EBF1: variants seen among roughly 807,000 people sequenced by gnomAD.
EBF1 encodes the protein transcription factor COE1.
A neutral mutation model predicts 68.4 loss-of-function variants in EBF1; 10 were observed. The ratio of observed to expected loss-of-function variants is 0.15; its 90% CI spans 0.09 to 0.25. EBF1 has a LOEUF of 0.25. Among genes scored for constraint, EBF1 ranks in the 10% least tolerant of loss-of-function variants. The pLI is 1.00. For missense variants in EBF1, 509 were observed against 794.4 expected (o/e 0.64, Z 4.32); for synonymous variants, 298 against 299.8 (o/e 0.99, Z 0.06).
intron 6 of EBF1, among the ~76,000 whole-genome samples, chr5:159,014,851 G>A (rs4921528): frequency 0.15 from 22,237 of 152,094 alleles, 1,768 homozygotes; most frequent in African/African-American, 0.19. Context: ...TGCTGTAATG[G>A]CTACAGCTCC....
At chr5:158,702,743 C>CA (rs58496050) in intron 15 of EBF1, among the ~76,000 whole-genome samples, 778 of 41,636 alleles carry the variant, frequency 0.019, 104 homozygotes, top group Non-Finnish European at 0.022. Flanking sequence ...GACTCCTTCT[C>CA]AAAAAAAAAA....
intron 6 of EBF1, among the ~76,000 whole-genome samples, chr5:159,057,665 C>A (rs951999990): frequency 6.6e-6 from 1 of 152,184 alleles, no homozygotes; most frequent in Non-Finnish European, 1.5e-5. Flanking sequence ...CTAATTAGGT[C>A]TTTGGGCAAC....
chr5:158,876,452 G>A (rs1359266292), intron 6 of EBF1, among the ~76,000 whole-genome samples: 1 of 152,220 alleles, frequency 6.6e-6, no homozygotes, highest in Admixed American at 6.5e-5. Flanking sequence ...ACATGGACCA[G>A]TTATTACTGG....
At chr5:158,921,484 T>C (rs902672621) in intron 6 of EBF1, among the ~76,000 whole-genome samples, 1 of 152,210 alleles carries the variant, frequency 6.6e-6, no homozygotes, top group Non-Finnish European at 1.5e-5. Context: ...TTGGAGACAA[T>C]GGCAAGGTGA....
At chr5:158,839,995 T>C (rs1789821942) in intron 7 of EBF1, 34 bp downstream of exon 7, 2 of 1,588,042 alleles carry the variant, frequency 1.3e-6, no homozygotes, top group Non-Finnish European at 1.7e-6. Flanking sequence ...ATTCATGCCA[T>C]TATTGAGATT....
chr5:158,978,108 T>C (rs1415305522), intron 6 of EBF1, among the ~76,000 whole-genome samples: 2 of 152,216 alleles, frequency 1.3e-5, no homozygotes, highest in South Asian at 2.1e-4. Flanking sequence ...CTGATGGGCC[T>C]TGGCCATACA....
At chr5:158,887,691 T>C (rs1293914385) in intron 6 of EBF1, among the ~76,000 whole-genome samples, 1 of 152,250 alleles carries the variant, frequency 6.6e-6, no homozygotes, top group Non-Finnish European at 1.5e-5. Flanking sequence ...CAAGCTTCTC[T>C]GTGATTGGAA....
intron 9 of EBF1, among the ~76,000 whole-genome samples, chr5:158,779,106 T>A (rs1442399588): frequency 6.6e-6 from 1 of 152,170 alleles, no homozygotes; most frequent in East Asian, 1.9e-4. Context: ...GCATGTTAAT[T>A]GTTGAGACAC....
chr5:158,783,090 A>G (rs1231107498), intron 9 of EBF1, among the ~76,000 whole-genome samples: 3 of 152,182 alleles, frequency 2.0e-5, no homozygotes, highest in Admixed American at 2.0e-4. Context: ...GCTAAATGGT[A>G]AGAGTGTTTA....
At chr5:159,012,430 A>G (rs1354456114) in intron 6 of EBF1, among the ~76,000 whole-genome samples, 1 of 152,000 alleles carries the variant, frequency 6.6e-6, no homozygotes, top group East Asian at 1.9e-4. Context: ...CAAAATTCAT[A>G]TGTTGAAGTC....
chr5:158,932,365 G>A (rs1165416938), intron 6 of EBF1, among the ~76,000 whole-genome samples: 2 of 152,024 alleles, frequency 1.3e-5, no homozygotes, highest in African/African-American at 2.4e-5. Context: ...ACAAGGAGAG[G>A]GCTAAAGATG....
At position 158,731,101 on chromosome 5, in the gene EBF1, G is replaced by T. The variant is rs779178390; in HGVS notation, c.1093C>A (p.Arg365=). ...AAACGCTCAGGGTCACCAGGGTGCCGAGGAATGACCTTCTGTAACCTCTGG... is the reference window on the plus strand; with the variant it reads ...AAACGCTCAGGGTCACCAGGGTGCCTAGGAATGACCTTCTGTAACCTCTGG... ...GFQRLQKVIP[R]HPGDPERLPK... The change falls in exon 11 of 16, where the codon CGG becomes AGG. Residue 365 remains arginine, a synonymous_variant. Transcript: ENST00000313708. The T allele has an allele frequency of 1.2e-6, 2 of 1,613,956 alleles. No homozygotes were observed. The highest frequency in any genetic ancestry group is 1.3e-5 in the African/African-American group (1 of 74,940).
chr5:158,744,561 G>T (rs1301225835), intron 10 of EBF1, among the ~76,000 whole-genome samples: 1 of 152,202 alleles, frequency 6.6e-6, no homozygotes, highest in Non-Finnish European at 1.5e-5. Flanking sequence ...CAGACAACTT[G>T]TGGATGCTTT....
At chr5:158,907,381 G>GA (rs1286977277) in intron 6 of EBF1, among the ~76,000 whole-genome samples, 2 of 152,118 alleles carry the variant, frequency 1.3e-5, no homozygotes, top group African/African-American at 4.8e-5. Flanking sequence ...GGATGAGGTG[G>GA]AAAAAAGATA....
intron 15 of EBF1, among the ~76,000 whole-genome samples, chr5:158,701,205 G>T (rs79682932): frequency 6.6e-6 from 1 of 152,064 alleles, no homozygotes; most frequent in Non-Finnish European, 1.5e-5. Flanking sequence ...TCTATTCTGC[G>T]TGCCTGGCAT....
rs557997304 is a variant in EBF1, at chr5:158,713,215, G to T, written c.1192-68C>A. The T allele has an allele frequency of 9.9e-5, 126 of 1,271,668 alleles. 2 individuals carry two copies. The South Asian group carries it at 3.2e-3, about 32-fold the overall frequency. 78.8% of individuals were successfully genotyped at this position (1,271,668 alleles called of 1,614,324 possible). ...TATTCCCAATAATACCATTTTTTCGGTGCCAGGTACCGTGCTCAGGGTTTT... is the reference window on the plus strand; with the variant it reads ...TATTCCCAATAATACCATTTTTTCGTTGCCAGGTACCGTGCTCAGGGTTTT... On this transcript the variant is annotated intron_variant, in intron 12 of 15. Coordinates refer to ENST00000313708, the MANE Select transcript of EBF1 (RefSeq NM_024007.5).
At chr5:159,093,561 G>T (rs536088216) in intron 4 of EBF1, among the ~76,000 whole-genome samples, 31 of 152,042 alleles carry the variant, frequency 2.0e-4, no homozygotes, top group Non-Finnish European at 3.8e-4. Context: ...ACACCAAGTG[G>T]TCAAAGAATG....
At chr5:158,940,406 C>T (rs1003757962) in intron 6 of EBF1, among the ~76,000 whole-genome samples, 20 of 152,140 alleles carry the variant, frequency 1.3e-4, no homozygotes, top group African/African-American at 4.1e-4. Context: ...GTATCCTAGG[C>T]CACTTAAATA....
At chr5:158,803,276 G>A (rs531444368) in intron 8 of EBF1, among the ~76,000 whole-genome samples, 5 of 151,760 alleles carry the variant, frequency 3.3e-5, no homozygotes, top group African/African-American at 1.2e-4. Flanking sequence ...GACTATTGAG[G>A]GCACAAAATA....
Sources: gnomAD v4.1 joint callset for allele counts (sites outside exome capture counted in the v4.1 genomes callset) on GRCh38, gnomAD v4.1.1 for gene constraint, MANE v1.5 for transcripts, NCBI Gene and HGNC (gene_info 2026-07-23, HGNC 2026-07-21) for gene names.